Variants in MYBPC1 observed in about 807,000 individuals in gnomAD.
MYBPC1 encodes myosin-binding protein C, slow-type.
Under a neutral mutation model 147.1 loss-of-function variants are expected in MYBPC1, and 52 were observed. That is an observed-to-expected ratio of 0.35 (90% CI 0.28 to 0.45). The LOEUF is 0.45. MYBPC1 is among the 20% of genes least tolerant of loss of function. The pLI is 1.00. For missense variants in MYBPC1, 1,228 were observed against 1,440.3 expected (o/e 0.85, Z 2.39); for synonymous variants, 477 against 475.9 (o/e 1.00, Z -0.03).
chr12:101,664,251 G>A (rs1378520567), intron 22 of MYBPC1, among the ~76,000 whole-genome samples: 3 of 152,118 alleles, frequency 2.0e-5, no homozygotes, highest in African/African-American at 7.2e-5. Context: ...ATATGGGCCA[G>A]AATTACCTGA....
chr12:101,619,125 A>G (rs1886816186), intron 3 of MYBPC1, among the ~76,000 whole-genome samples: 1 of 152,114 alleles, frequency 6.6e-6, no homozygotes, highest in African/African-American at 2.4e-5. Flanking sequence ...TTGAGAAAGG[A>G]GCCCTGCACG....
rs1430268192 is a variant in MYBPC1, at chr12:101,678,879, C to A, written c.3246+641C>A. 2.0e-5 allele frequency among the ~76,000 whole-genome samples: 3 copies of A among 152,044 alleles called. No homozygotes were observed. The East Asian group carries it at 5.8e-4, about 29-fold the overall frequency. On this transcript the variant is annotated intron_variant, in intron 28 of 31. Coordinates refer to ENST00000361466, the MANE Select transcript of MYBPC1 (RefSeq NM_002465.4). ...ATACCTTGATCAGAAATAGGGAAGT[C>A]GTCCGGGCGCAGTGGCTCATGCCTG...
intron 3 of MYBPC1, among the ~76,000 whole-genome samples, chr12:101,624,739 C>CTGT (rs35068221): frequency 0.48 from 66,123 of 138,922 alleles, 16,116 homozygotes; most frequent in East Asian, 0.67. Flanking sequence ...GTTGCCCAGG[C>CTGT]AAATTCACAA....
At chr12:101,656,942 T>C (rs1474114075) in intron 18 of MYBPC1, among the ~76,000 whole-genome samples, 1 of 152,092 alleles carries the variant, frequency 6.6e-6, no homozygotes, top group Non-Finnish European at 1.5e-5. Flanking sequence ...ATAGAACACA[T>C]TCTAGGCCAT....
At chr12:101,647,833 G>GCCAAGAT (rs1269625468) in intron 13 of MYBPC1, among the ~76,000 whole-genome samples, 1 of 152,166 alleles carries the variant, frequency 6.6e-6, no homozygotes, top group Non-Finnish European at 1.5e-5. Flanking sequence ...GTTACATTAA[G>GCCAAGAT]CCAAGATCAC....
chr12:101,616,040 A>G (rs1450148225), intron 2 of MYBPC1, among the ~76,000 whole-genome samples: 1 of 152,160 alleles, frequency 6.6e-6, no homozygotes, highest in Non-Finnish European at 1.5e-5. Context: ...TGAGAAATCT[A>G]GCTGCTCACA....
chr12:101,625,131 T>G (rs2135967282), intron 3 of MYBPC1, among the ~76,000 whole-genome samples: 1 of 152,092 alleles, frequency 6.6e-6, no homozygotes, highest in East Asian at 1.9e-4. Flanking sequence ...GAATGTGGGC[T>G]TTTTCAAGGA....
chr12:101,620,843 C>CT (rs1887207623), intron 3 of MYBPC1, among the ~76,000 whole-genome samples: 2 of 152,142 alleles, frequency 1.3e-5, no homozygotes, highest in African/African-American at 4.8e-5. Context: ...AAGTTACTTC[C>CT]TTTTTTTATT....
chr12:101,658,373 A>G (rs76617866), intron 18 of MYBPC1, among the ~76,000 whole-genome samples: 2,367 of 136,186 alleles, frequency 0.017, 71 homozygotes, highest in African/African-American at 0.06. Flanking sequence ...ATAGAGGGAA[A>G]TGTATTCAAT....
intron 20 of MYBPC1, among the ~76,000 whole-genome samples, chr12:101,661,916 G>GAAAAAAAGAAAGA (rs1555247215): frequency 2.4e-5 from 3 of 124,882 alleles, no homozygotes; most frequent in African/African-American, 3.1e-5. Context: ...AAAAAAAAAA[G>GAAAAAAAGAAAGA]AAAGAAAAAA....
chr12:101,649,053 A>G (rs1370990703), intron 14 of MYBPC1, among the ~76,000 whole-genome samples: 1 of 152,218 alleles, frequency 6.6e-6, no homozygotes, highest in Non-Finnish European at 1.5e-5. Flanking sequence ...GTGTTCTTTT[A>G]ACACAATTTT....
intron 1 of MYBPC1, among the ~76,000 whole-genome samples, chr12:101,610,541 A>G (rs1416723793): frequency 6.6e-6 from 1 of 152,200 alleles, no homozygotes; most frequent in Non-Finnish European, 1.5e-5. Flanking sequence ...AGTAAAAATG[A>G]TGATCATAAT....
chr12:101,631,874 C>A, intron 7 of MYBPC1, 147 bp from the exon 8 acceptor site: 2 of 1,340,990 alleles, frequency 1.5e-6, no homozygotes, highest in Non-Finnish European at 2.1e-6. Context: ...GATTGCCCGG[C>A]TGTGTCCGGG....
chr12:101,690,449 T>C (rs1951397296), downstream of MYBPC1, among the ~76,000 whole-genome samples: 1 of 152,228 alleles, frequency 6.6e-6, no homozygotes, highest in African/African-American at 2.4e-5. Flanking sequence ...CTGTTACTCC[T>C]AAAAGCCCTA....
chr12:101,628,247 T>A (rs11110896), intron 5 of MYBPC1: 7,847 of 234,798 alleles, frequency 0.033, 570 homozygotes, highest in East Asian at 0.28. Context: ...TATGATCCTA[T>A]TATGGGCCTC....
chr12:101,694,019 C>T, the MYBPC1 span, among the ~76,000 whole-genome samples: 3 of 152,152 alleles, frequency 2.0e-5, no homozygotes, highest in South Asian at 2.1e-4. Context: ...ATCTGAAAGG[C>T]GGCAGACTAA....
intron 11 of MYBPC1, among the ~76,000 whole-genome samples, chr12:101,643,331 T>C (rs953431973): frequency 4.6e-5 from 7 of 152,296 alleles, no homozygotes; most frequent in East Asian, 1.9e-4. Flanking sequence ...GGGTTTTTTT[T>C]AGTTTATGTA....
chr12:101,652,793 A>C lies in MYBPC1; in HGVS notation c.1633+9A>C. 1 of 1,597,244 alleles carries C rather than the reference A, an allele frequency of 6.3e-7. No individual in the cohort carries two copies. The highest frequency in any genetic ancestry group is 2.2e-5 in the East Asian group (1 of 44,778). ...CAAAGTTCATGTTATTGGTGAGTAGATAAAATAATTCATTGCATAGTTGTG... is the reference window on the plus strand; with the variant it reads ...CAAAGTTCATGTTATTGGTGAGTAGCTAAAATAATTCATTGCATAGTTGTG... On this transcript the variant is annotated intron_variant, in intron 17 of 31. Coordinates refer to ENST00000361466, the MANE Select transcript of MYBPC1 (RefSeq NM_002465.4).
At chr12:101,659,112 A>G (rs1260682003) in intron 18 of MYBPC1, among the ~76,000 whole-genome samples, 1 of 152,256 alleles carries the variant, frequency 6.6e-6, no homozygotes, top group African/African-American at 2.4e-5. Context: ...TTACTTTGGG[A>G]ATTAGATGTG....
Sources: gnomAD v4.1 joint callset for allele counts (sites outside exome capture counted in the v4.1 genomes callset) on GRCh38, gnomAD v4.1.1 for gene constraint, MANE v1.5 for transcripts, NCBI Gene and HGNC (gene_info 2026-07-23, HGNC 2026-07-21) for gene names.